The following EYS variants were observed in gnomAD, a reference collection of about 807,000 sequenced individuals.
EYS encodes the protein EGF-like photoreceptor maintenance factor.
EYS carries 250 observed loss-of-function variants against 282.1 expected under a neutral mutation model. The observed-to-expected ratio is 0.89, with a 90% CI of 0.80 to 0.98. The LOEUF (loss-of-function observed/expected upper bound fraction) is 0.98, where lower values mean the gene tolerates loss of function less well. EYS is among the 50% of genes least tolerant of loss of function. EYS has a pLI of 0.00. For missense variants in EYS, 4,016 were observed against 3,709.0 expected (o/e 1.08, Z -2.15); for synonymous variants, 1,355 against 1,282.9 (o/e 1.06, Z -1.20).
At chr6:65,476,727 C>G (rs2127250199) in intron 5 of EYS, among the ~76,000 whole-genome samples, 1 of 152,198 alleles carries the variant, frequency 6.6e-6, no homozygotes, top group South Asian at 2.1e-4. Flanking sequence ...CAGGCGCGTG[C>G]CACCAGGCCC....
chr6:65,104,720 A>G (rs1774986563), intron 12 of EYS, among the ~76,000 whole-genome samples: 1 of 151,578 alleles, frequency 6.6e-6, no homozygotes, highest in South Asian at 2.1e-4. Flanking sequence ...GTTTGTATCG[A>G]ATACAAAATC....
At chr6:65,556,815 T>G (rs1444292421) in intron 2 of EYS, among the ~76,000 whole-genome samples, 1 of 152,178 alleles carries the variant, frequency 6.6e-6, no homozygotes, top group African/African-American at 2.4e-5. Flanking sequence ...AATGTTACTG[T>G]CTTTTCATAT....
At chr6:64,363,616 G>A (rs1205576105) in intron 29 of EYS, among the ~76,000 whole-genome samples, 1 of 151,786 alleles carries the variant, frequency 6.6e-6, no homozygotes, top group African/African-American at 2.4e-5. Flanking sequence ...GTGCTTAACA[G>A]GCCTTCTGGC....
chr6:64,395,573 A>G, intron 28 of EYS, among the ~76,000 whole-genome samples: 1 of 147,762 alleles, frequency 6.8e-6, no homozygotes, highest in Admixed American at 6.7e-5. Context: ...ATAGGTGGGA[A>G]TTGAACAATG....
At chr6:64,716,364 C>T (rs1370715095) in intron 22 of EYS, among the ~76,000 whole-genome samples, 1 of 152,182 alleles carries the variant, frequency 6.6e-6, no homozygotes, top group Admixed American at 6.5e-5. Flanking sequence ...GCAACAAAAG[C>T]ACACATAACA....
At position 63,859,111 on chromosome 6, in the gene EYS, T is replaced by TTTTTTTTTA. The variant is rs796999871; in HGVS notation, c.7228+5074_7228+5075insTAAAAAAAA. On this transcript the variant is annotated intron_variant, in intron 36 of 42. Coordinates refer to ENST00000503581, the MANE Select transcript of EYS (RefSeq NM_001142800.2). The stretch of plus-strand genomic sequence containing the variant: ...TTTTTTTTTTTTTTTTTTTTTTTTT[T>TTTTTTTTTA]AATAGCTGGGATGGAGATGCAGCCT... 1.4e-3 allele frequency among the ~76,000 whole-genome samples: 100 copies of TTTTTTTTTA among 71,200 alleles called. 33 individuals carry two copies. Among genetic ancestry groups the TTTTTTTTTA allele is most frequent in the African/African-American group, 5.6e-3 (89 of 15,788 alleles). The allele number at this position is 71,200 out of a possible 152,430, so 46.7% of individuals were successfully genotyped here.
intron 35 of EYS, among the ~76,000 whole-genome samples, chr6:63,869,868 T>C (rs542841226): frequency 1.2e-4 from 19 of 152,198 alleles, no homozygotes; most frequent in South Asian, 1.2e-3. Flanking sequence ...CATTAATAAT[T>C]GTTTGTCAAA....
In EYS at chr6:64,961,665, A is replaced by C. The variant is rs9453135; in HGVS notation, c.2260-15751T>G. On this transcript the variant is annotated intron_variant, in intron 14 of 42. Coordinates refer to ENST00000503581, the MANE Select transcript of EYS (RefSeq NM_001142800.2). ...GGAATAAGTCCAGAGGGAATTTATA[A>C]GGCATTTTCATGTATTCTATTCATT... Among the ~76,000 whole-genome samples the C allele has an allele frequency of 8.8e-3, 1,332 of 152,220 alleles. 18 individuals carry two copies. Among genetic ancestry groups the C allele is most frequent in the African/African-American group, 0.03 (1,232 of 41,552 alleles).
intron 2 of EYS, among the ~76,000 whole-genome samples, chr6:65,563,915 A>C (rs1020890796): frequency 1.3e-5 from 2 of 152,184 alleles, no homozygotes; most frequent in Non-Finnish European, 2.9e-5. Context: ...TAAGCTTATG[A>C]GCAACTTCAG....
At chr6:64,134,023 C>A (rs1276388073) in intron 31 of EYS, among the ~76,000 whole-genome samples, 1 of 151,882 alleles carries the variant, frequency 6.6e-6, no homozygotes, top group African/African-American at 2.4e-5. Flanking sequence ...TAAAAAGCTC[C>A]TAAGGAAGTG....
intron 35 of EYS, among the ~76,000 whole-genome samples, chr6:63,948,392 A>G (rs1562110307): frequency 6.6e-6 from 1 of 152,180 alleles, no homozygotes; most frequent in African/African-American, 2.4e-5. Context: ...TTTGTCTCTC[A>G]GAAATATGAG....
intron 12 of EYS, among the ~76,000 whole-genome samples, chr6:65,123,249 A>T (rs1219132675): frequency 6.6e-6 from 1 of 152,164 alleles, no homozygotes; most frequent in East Asian, 1.9e-4. Flanking sequence ...TTCTAAAGAG[A>T]TAGTTAAAAA....
rs1361851688 is a variant in EYS at position 64,864,127 on chromosome 6, G to A, written c.2992+22570C>T. 4.6e-5 allele frequency among the ~76,000 whole-genome samples: 7 copies of A among 152,078 alleles called. No homozygotes were observed. The East Asian group carries it at 1.2e-3, about 25-fold the overall frequency. ...TTATTTGTATACAGCAGAAGAGTAA[G>A]TCCAATGACTGATTATCAATTGGAT... On this transcript the variant is annotated intron_variant, in intron 19 of 42. Coordinates refer to ENST00000503581, the MANE Select transcript of EYS (RefSeq NM_001142800.2).
At chr6:65,497,235 G>A (rs1460987859) in intron 2 of EYS, among the ~76,000 whole-genome samples, 1 of 152,008 alleles carries the variant, frequency 6.6e-6, no homozygotes, top group Non-Finnish European at 1.5e-5. Flanking sequence ...TTGGAATAGG[G>A]TATCAATGGA....
At chr6:64,531,549 G>GTTTATTTTATTTTATTTTAT (rs201525645) in intron 26 of EYS, among the ~76,000 whole-genome samples, 14,262 of 124,046 alleles carry the variant, frequency 0.11, 1,075 homozygotes, top group East Asian at 0.18. Flanking sequence ...ACCACGCCTG[G>GTTTATTTTATTTTATTTTAT]TTTATTTTAT....
chr6:64,365,595 C>T (rs1459379021), intron 29 of EYS, among the ~76,000 whole-genome samples: 4 of 151,958 alleles, frequency 2.6e-5, no homozygotes, highest in Non-Finnish European at 5.9e-5. Context: ...AAGGGCAATT[C>T]ATTTGTACAG....
chr6:64,712,442 G>A (rs891220915), intron 22 of EYS, among the ~76,000 whole-genome samples: 3 of 152,150 alleles, frequency 2.0e-5, no homozygotes, highest in African/African-American at 7.2e-5. Flanking sequence ...TAAAGGACGA[G>A]GAAGCTGGAG....
At chr6:64,785,466 T>C (rs1773988409) in intron 22 of EYS, among the ~76,000 whole-genome samples, 1 of 152,212 alleles carries the variant, frequency 6.6e-6, no homozygotes, top group Non-Finnish European at 1.5e-5. Flanking sequence ...AATTTTCTTA[T>C]TTCAGAATTC....
Position 64,862,976 on chromosome 6 carries a change from A to G in EYS, c.2992+23721T>C, listed in dbSNP as rs143730082. The stretch of plus-strand genomic sequence containing the variant: ...TTGTGTTGGGATTTTGGAATTCTGG[A>G]TATGTTGTTTTCAGCAAATTTAGAA... On this transcript the variant is annotated intron_variant, in intron 19 of 42. Transcript: ENST00000503581. Among the ~76,000 whole-genome samples the G allele has an allele frequency of 7.7e-3, 1,166 of 152,166 alleles. 8 individuals are homozygous for G. Among genetic ancestry groups the G allele is most frequent in the Middle Eastern group, 0.017 (5 of 294 alleles).
Sources: gnomAD v4.1 joint callset for allele counts (sites outside exome capture counted in the v4.1 genomes callset) on GRCh38, gnomAD v4.1.1 for gene constraint, MANE v1.5 for transcripts, NCBI Gene and HGNC (gene_info 2026-07-23, HGNC 2026-07-21) for gene names.